The following CORIN variants were observed in gnomAD, a reference collection of about 807,000 sequenced individuals.
The protein encoded by CORIN is atrial natriuretic peptide-converting enzyme.
In CORIN, 117 loss-of-function variants were observed where a neutral mutation model predicts 125.3. The ratio of observed to expected loss-of-function variants is 0.93; its 90% confidence interval spans 0.80 to 1.09. CORIN has a LOEUF of 1.09. Among genes scored for constraint, CORIN ranks in the 50% least tolerant of loss-of-function variants. CORIN has a pLI of 0.00. For synonymous variants in CORIN, 450 were observed against 466.4 expected (o/e 0.96, Z 0.45); for missense variants, 1,253 against 1,306.7 (o/e 0.96, Z 0.63).
intron 5 of CORIN, among the ~76,000 whole-genome samples, chr4:47,723,908 A>G (rs1727465502): frequency 6.6e-6 from 1 of 150,668 alleles, no homozygotes; most frequent in African/African-American, 2.5e-5. Flanking sequence ...AGGCAGGAGA[A>G]CGGCGTGAAC....
At chr4:47,729,689 C>T (rs1727771928) in intron 5 of CORIN, among the ~76,000 whole-genome samples, 1 of 152,112 alleles carries the variant, frequency 6.6e-6, no homozygotes, top group South Asian at 2.1e-4. Context: ...AGACCCACAG[C>T]TCTAAGTGAG....
At chr4:47,605,585 C>A (rs1482436015) in intron 19 of CORIN, among the ~76,000 whole-genome samples, 1 of 152,148 alleles carries the variant, frequency 6.6e-6, no homozygotes, top group Non-Finnish European at 1.5e-5. Flanking sequence ...GTCAGCCACA[C>A]TACCACTGTT....
At chr4:47,836,738 G>C (rs116780686) in intron 1 of CORIN, among the ~76,000 whole-genome samples, 1,692 of 152,272 alleles carry the variant, frequency 0.011, 32 homozygotes, top group African/African-American at 0.038. Context: ...CCCAGGAACC[G>C]GGAGCCGTGC....
In CORIN at chr4:47,613,199, A is replaced by G. The variant is rs1166482851; in HGVS notation, c.2541-9531T>C. The stretch of plus-strand genomic sequence containing the variant: ...GGTGAGTGCAGTGGCTTACACCTGT[A>G]ATCCCAGCACTTTGGGAGGCTAAAG... On this transcript the variant is annotated intron_variant, in intron 19 of 21. Coordinates refer to ENST00000273857, the MANE Select transcript of CORIN (RefSeq NM_006587.4). 2.0e-5 allele frequency among the ~76,000 whole-genome samples: 3 copies of G among 152,238 alleles called. No individual in the cohort carries two copies. In the East Asian group the frequency reaches 5.8e-4, roughly 29 times the overall value.
chr4:47,620,209 TG>T (rs1452403913), intron 19 of CORIN, among the ~76,000 whole-genome samples: 1 of 152,234 alleles, frequency 6.6e-6, no homozygotes, highest in African/African-American at 2.4e-5. Flanking sequence ...AGGTATGTGC[TG>T]GAACTGTATC....
At chr4:47,817,538 T>A (rs1482165055) in intron 1 of CORIN, among the ~76,000 whole-genome samples, 1 of 152,148 alleles carries the variant, frequency 6.6e-6, no homozygotes, top group African/African-American at 2.4e-5. Flanking sequence ...TGAGGTAGGA[T>A]CAAGTTTTTA....
chr4:47,715,130 A>G (rs1727026701), intron 5 of CORIN, among the ~76,000 whole-genome samples: 1 of 152,240 alleles, frequency 6.6e-6, no homozygotes, highest in Non-Finnish European at 1.5e-5. Flanking sequence ...CATACAATGA[A>G]GCAAAAACTA....
intron 4 of CORIN, among the ~76,000 whole-genome samples, chr4:47,761,766 CA>C (rs914499188): frequency 6.6e-6 from 1 of 151,992 alleles, no homozygotes; most frequent in African/African-American, 2.4e-5. Context: ...CACAAAATTA[CA>C]GTTAGCTAGG....
At chr4:47,736,161 A>C (rs551634475) in intron 5 of CORIN, among the ~76,000 whole-genome samples, 1 of 152,278 alleles carries the variant, frequency 6.6e-6, no homozygotes, top group East Asian at 1.9e-4. Flanking sequence ...AATGTAGTTA[A>C]AACAGAAAAG....
intron 16 of CORIN, among the ~76,000 whole-genome samples, chr4:47,631,285 G>GGA (rs1171859457): frequency 6.6e-6 from 1 of 152,132 alleles, no homozygotes; most frequent in Non-Finnish European, 1.5e-5. Context: ...CCACACAGCA[G>GGA]GAGGTGAGTG....
Position 47,645,069 on chromosome 4 carries a change from A to G in CORIN, c.1957+12T>C, listed in dbSNP as rs1221618498. Reference sequence around the variant, plus strand: ...AAAAATGCTCTGTTGACAAATTCGCATAAGCACTTACAGCAGTTTTTCTCG... The same window carrying G: ...AAAAATGCTCTGTTGACAAATTCGCGTAAGCACTTACAGCAGTTTTTCTCG... On this transcript the variant is annotated intron_variant, in intron 14 of 21. Coordinates refer to ENST00000273857, the MANE Select transcript of CORIN (RefSeq NM_006587.4). 4.6e-6 allele frequency: 7 copies of G among 1,505,476 alleles called. No individual in the cohort carries two copies. Among genetic ancestry groups the G allele is most frequent in the Non-Finnish European group, 6.4e-6 (7 of 1,089,890 alleles). 93.3% of individuals were successfully genotyped at this position (1,505,476 alleles called of 1,614,324 possible).
At chr4:47,805,179 T>G (rs2109949803) in intron 2 of CORIN, among the ~76,000 whole-genome samples, 1 of 148,724 alleles carries the variant, frequency 6.7e-6, no homozygotes, top group African/African-American at 2.5e-5. Context: ...TAATAGAGTA[T>G]AATTGGATTA....
At chr4:47,701,324 G>C (rs1056452836) in intron 5 of CORIN, among the ~76,000 whole-genome samples, 4 of 152,168 alleles carry the variant, frequency 2.6e-5, no homozygotes, top group African/African-American at 7.2e-5. Context: ...AACAACTCCT[G>C]AAATTAAGTC....
intron 1 of CORIN, among the ~76,000 whole-genome samples, chr4:47,825,697 C>CTT (rs759495221): frequency 0.013 from 1,752 of 134,638 alleles, 60 homozygotes; most frequent in African/African-American, 0.046. Context: ...CAAACCACTG[C>CTT]TTTTTTTTTT....
At chr4:47,660,770 G>T (rs995793169) in intron 12 of CORIN, among the ~76,000 whole-genome samples, 1 of 152,236 alleles carries the variant, frequency 6.6e-6, no homozygotes, top group East Asian at 1.9e-4. Flanking sequence ...CAATTTAGAG[G>T]CTTCTCAAAA....
intron 2 of CORIN, among the ~76,000 whole-genome samples, chr4:47,806,480 C>T (rs1029834261): frequency 2.6e-5 from 4 of 152,094 alleles, no homozygotes; most frequent in South Asian, 2.1e-4. Context: ...AACTTAATTC[C>T]GAAGTTAACA....
chr4:47,801,837 C>A (rs1368060035), intron 2 of CORIN, among the ~76,000 whole-genome samples: 1 of 152,244 alleles, frequency 6.6e-6, no homozygotes, highest in Non-Finnish European at 1.5e-5. Flanking sequence ...ACAAGGACTG[C>A]AATTCCTAGG....
At chr4:47,703,519 G>T (rs1726402984) in intron 5 of CORIN, among the ~76,000 whole-genome samples, 1 of 152,218 alleles carries the variant, frequency 6.6e-6, no homozygotes, top group Non-Finnish European at 1.5e-5. Context: ...TTGTAGAAAA[G>T]CAGAGATTGG....
intron 15 of CORIN, chr4:47,642,920 G>A (rs1248338751): frequency 1.7e-5 from 25 of 1,512,754 alleles, no homozygotes; most frequent in Middle Eastern, 1.7e-4. Context: ...GAACCCAAAC[G>A]TTTTTCCATA....
Sources: gnomAD v4.1 joint callset for allele counts (sites outside exome capture counted in the v4.1 genomes callset) on GRCh38, gnomAD v4.1.1 for gene constraint, MANE v1.5 for transcripts, NCBI Gene and HGNC (gene_info 2026-07-23, HGNC 2026-07-21) for gene names.